The following RALGPS1 variants were observed in gnomAD, a reference collection of about 807,000 sequenced individuals.
RALGPS1 encodes ras-specific guanine nucleotide-releasing factor RalGPS1.
In RALGPS1, 19 loss-of-function variants were observed where a neutral mutation model predicts 78.8. The observed-to-expected ratio is 0.24, with a 90% CI of 0.17 to 0.35. RALGPS1 has a LOEUF of 0.35. Ranked by LOEUF, RALGPS1 falls within the 10% of genes least tolerant of loss-of-function variation. RALGPS1 has a pLI of 1.00. For missense variants in RALGPS1, 454 were observed against 688.3 expected (o/e 0.66, Z 3.81); for synonymous variants, 228 against 256.3 (o/e 0.89, Z 1.06).
intron 4 of RALGPS1, among the ~76,000 whole-genome samples, chr9:126,993,832 T>C (rs976461654): frequency 1.3e-5 from 2 of 152,070 alleles, no homozygotes; most frequent in African/African-American, 2.4e-5. Context: ...AGACAAAACT[T>C]CCAGAGGAAC....
rs766319233 is a variant in RALGPS1 at position 127,196,605 on chromosome 9, C to T, written c.1169C>T (p.Ser390Phe). The change falls in exon 13 of 19, where the codon TCT (serine) becomes TTT (phenylalanine). Residue 390 changes from serine (S) to phenylalanine (F), a missense_variant. Coordinates refer to ENST00000259351, the MANE Select transcript of RALGPS1 (RefSeq NM_014636.3). ...PRRGLALTSSSAVTNGLSLGS... is the reference protein window; with the variant it reads ...PRRGLALTSSFAVTNGLSLGS... ...AGGGGCCTGGCTCTGACCTCCTCCT[C>T]TGCTGTCACCAATGGACTCTCCCTA... The T allele has an allele frequency of 1.7e-5, 27 of 1,609,522 alleles. No homozygotes were observed. The highest frequency in any genetic ancestry group is 2.1e-5 in the Non-Finnish European group (25 of 1,177,700).
rs561384365 is a variant in RALGPS1, at chr9:127,122,092, C to G, written c.611-43977C>G. Among the ~76,000 whole-genome samples the G allele has an allele frequency of 1.8e-4, 28 of 152,322 alleles. No homozygotes were observed. The highest frequency in any genetic ancestry group is 4.1e-4 in the South Asian group (2 of 4,830). On this transcript the variant is annotated intron_variant, in intron 8 of 18. Coordinates refer to ENST00000259351, the MANE Select transcript of RALGPS1 (RefSeq NM_014636.3). This position sits in a 1 kb window ranked among gnomAD's most constrained non-coding sequence, Gnocchi z 6.4. Reference sequence around the variant, plus strand: ...GAGTGAGGCTTACTCATGAAGTCCTCGAGATGCCAGCCCATGATCATGTGC... The same window carrying G: ...GAGTGAGGCTTACTCATGAAGTCCTGGAGATGCCAGCCCATGATCATGTGC...
chr9:127,058,666 G>A (rs936456537), intron 7 of RALGPS1, among the ~76,000 whole-genome samples: 1 of 152,182 alleles, frequency 6.6e-6, no homozygotes, highest in African/African-American at 2.4e-5. Context: ...ATCTCAAGAG[G>A]AGACTGACTG....
chr9:127,011,197 G>A (rs2044308306), intron 4 of RALGPS1, among the ~76,000 whole-genome samples: 1 of 151,678 alleles, frequency 6.6e-6, no homozygotes, highest in Admixed American at 6.6e-5. Context: ...TTTTTTTTGA[G>A]ATGGAGTTTT....
intron 8 of RALGPS1, among the ~76,000 whole-genome samples, chr9:127,143,073 T>G (rs1240733571): frequency 6.6e-6 from 1 of 152,272 alleles, no homozygotes; most frequent in African/African-American, 2.4e-5. Context: ...TTTAATTTCC[T>G]TAGCTATTTC....
At chr9:126,994,230 C>T (rs1052636370) in intron 4 of RALGPS1, among the ~76,000 whole-genome samples, 5 of 151,960 alleles carry the variant, frequency 3.3e-5, no homozygotes, top group Non-Finnish European at 5.9e-5. Flanking sequence ...CAAACTACCC[C>T]GAGCTACAGG....
intron 8 of RALGPS1, among the ~76,000 whole-genome samples, chr9:127,098,999 G>T (rs2053452436): frequency 6.6e-6 from 1 of 152,222 alleles, no homozygotes; most frequent in Non-Finnish European, 1.5e-5. Flanking sequence ...TGACCTTGAG[G>T]CTGGGAGCTA....
At chr9:127,112,759 A>G (rs959986000) in intron 8 of RALGPS1, among the ~76,000 whole-genome samples, 3 of 152,270 alleles carry the variant, frequency 2.0e-5, no homozygotes, top group African/African-American at 7.2e-5. Context: ...AGAACAACAA[A>G]GCTGAAACAA....
At chr9:127,161,466 G>T (rs2059013844) in intron 8 of RALGPS1, among the ~76,000 whole-genome samples, 1 of 152,216 alleles carries the variant, frequency 6.6e-6, no homozygotes, top group Admixed American at 6.5e-5. Context: ...GAGTCTCCTG[G>T]ATCCGGGCCC....
At chr9:127,121,756 G>C (rs1347352291) in intron 8 of RALGPS1, among the ~76,000 whole-genome samples, 1 of 152,216 alleles carries the variant, frequency 6.6e-6, no homozygotes, top group Non-Finnish European at 1.5e-5. Flanking sequence ...CCGTTCCCGT[G>C]CTGGGTGCCT....
chr9:126,974,073 C>A (rs894056606), intron 3 of RALGPS1, among the ~76,000 whole-genome samples: 1 of 152,144 alleles, frequency 6.6e-6, no homozygotes, highest in Non-Finnish European at 1.5e-5. Flanking sequence ...AGGGTTTCAC[C>A]ATGTTGGCCA....
intron 7 of RALGPS1, among the ~76,000 whole-genome samples, 198 bp from the exon 8 acceptor site, chr9:127,069,032 A>G (rs1048391740): frequency 5.9e-5 from 9 of 152,172 alleles, no homozygotes; most frequent in African/African-American, 1.7e-4. Context: ...TCCAGTGTCC[A>G]AGCCCCACCT....
At chr9:126,956,558 C>T (rs1415425879) in intron 1 of RALGPS1, among the ~76,000 whole-genome samples, 1 of 152,136 alleles carries the variant, frequency 6.6e-6, no homozygotes, top group Non-Finnish European at 1.5e-5. Context: ...CACACTACGG[C>T]TGCCATGCTT....
chr9:127,214,632 C>G, intron 17 of RALGPS1, 119 bp from the exon 18 acceptor site: 1 of 1,448,254 alleles, frequency 6.9e-7, no homozygotes, highest in Non-Finnish European at 9.1e-7. Flanking sequence ...CATGTTCCAG[C>G]TCACCTGGGG....
At chr9:127,053,248 A>G (rs911621911) in intron 7 of RALGPS1, among the ~76,000 whole-genome samples, 5 of 151,986 alleles carry the variant, frequency 3.3e-5, no homozygotes, top group Admixed American at 1.3e-4. Context: ...CTTGGCTGGA[A>G]TTTTTCTCTG....
At chr9:127,072,137 A>G (rs1192009176) in intron 8 of RALGPS1, among the ~76,000 whole-genome samples, 3 of 152,268 alleles carry the variant, frequency 2.0e-5, no homozygotes, top group South Asian at 2.1e-4. Flanking sequence ...AGGTTCATCC[A>G]TGCTAGAGCA....
intron 8 of RALGPS1, among the ~76,000 whole-genome samples, chr9:127,071,764 T>G (rs2050223117): frequency 6.6e-6 from 1 of 152,234 alleles, no homozygotes. Flanking sequence ...AGACAGTGTT[T>G]TTTTCATTTT....
intron 4 of RALGPS1, among the ~76,000 whole-genome samples, chr9:127,018,033 A>G (rs1236919160): frequency 2.0e-5 from 3 of 151,646 alleles, no homozygotes; most frequent in Admixed American, 1.3e-4. Context: ...CCTGACCAAC[A>G]TGGTGAAATC....
intron 4 of RALGPS1, among the ~76,000 whole-genome samples, chr9:127,013,763 T>A (rs2044571088): frequency 6.6e-6 from 1 of 152,114 alleles, no homozygotes; most frequent in South Asian, 2.1e-4. Context: ...TGACTTATCC[T>A]TTCCTTCCAA....
Sources: allele counts gnomAD v4.1 joint callset (sites outside exome capture counted in the v4.1 genomes callset), GRCh38; gene constraint gnomAD v4.1.1; non-coding constraint Gnocchi (gnomAD v3.1); transcripts MANE v1.5; gene names NCBI Gene and HGNC (gene_info 2026-07-23, HGNC 2026-07-21).